PCDH15: variants seen among roughly 807,000 people sequenced by gnomAD.
PCDH15 encodes the protein protocadherin related 15, also known as protocadherin-15.
PCDH15 carries 129 observed loss-of-function variants against 178.5 expected under a neutral mutation model. The ratio of observed to expected loss-of-function variants is 0.72; its 90% CI spans 0.63 to 0.84. PCDH15 has a LOEUF of 0.84. Ranked by LOEUF, PCDH15 falls within the 40% of genes least tolerant of loss-of-function variation. The pLI, the probability that PCDH15 is intolerant of heterozygous loss-of-function variation, is 0.00. For synonymous variants in PCDH15, 800 were observed against 732.0 expected, an observed-to-expected ratio of 1.09 and a Z score of -1.50; for missense variants, 2,230 against 2,099.9, an observed-to-expected ratio of 1.06 and a Z score of -1.21.
intron 2 of PCDH15, among the ~76,000 whole-genome samples, chr10:55,056,149 G>A (rs954230221): frequency 6.6e-6 from 1 of 152,082 alleles, no homozygotes. Flanking sequence ...TAAATCTCAT[G>A]ATGTGATTCC....
chr10:55,375,487 C>A lies in PCDH15; in HGVS notation c.-155-208836G>T, dbSNP rs147845070. Among the ~76,000 whole-genome samples, 1,387 of 152,184 alleles carry A rather than the reference C, an allele frequency of 9.1e-3. 26 individuals are homozygous for A. Among genetic ancestry groups the A allele is most frequent in the African/African-American group, 0.032 (1,337 of 41,530 alleles). ...TTAAATTATCTCATCTGCATCATCACAATTTCTGTATCAGAATATTAATTG... is the reference window on the plus strand; with the variant it reads ...TTAAATTATCTCATCTGCATCATCAAAATTTCTGTATCAGAATATTAATTG... On this transcript the variant is annotated intron_variant, in intron 2 of 5. Coordinates refer to the PCDH15 transcript ENST00000613346.
At chr10:54,204,761 T>C (rs2050615131) in intron 10 of PCDH15, among the ~76,000 whole-genome samples, 1 of 152,074 alleles carries the variant, frequency 6.6e-6, no homozygotes, top group African/African-American at 2.4e-5. Flanking sequence ...ATTATGAAGA[T>C]ACGTGAAAAT....
intron 2 of PCDH15, among the ~76,000 whole-genome samples, chr10:54,999,051 C>G (rs1463734160): frequency 6.7e-6 from 1 of 148,934 alleles, no homozygotes; most frequent in African/African-American, 2.4e-5. Context: ...ATATAAAGCA[C>G]TTTCTTGTTG....
chr10:54,442,435 T>TATATATATATATATATATATAC (rs2075870809), intron 3 of PCDH15, among the ~76,000 whole-genome samples: 2 of 117,476 alleles, frequency 1.7e-5, no homozygotes, highest in African/African-American at 7.6e-5. Context: ...TATATATATA[T>TATATATATATATATATATATAC]ATATATATAT....
chr10:54,178,729 A>AAAAC (rs10648421), intron 13 of PCDH15, among the ~76,000 whole-genome samples: 64,956 of 151,292 alleles, frequency 0.43, 15,585 homozygotes, highest in African/African-American at 0.63. Context: ...TTACAAGAAA[A>AAAAC]AAACAACCCC....
intron 3 of PCDH15, among the ~76,000 whole-genome samples, chr10:54,398,968 G>A (rs796891968): frequency 6.6e-6 from 1 of 152,030 alleles, no homozygotes; most frequent in Admixed American, 6.6e-5. Flanking sequence ...ACACCAAACA[G>A]TATGTTCTGC....
At position 55,423,289 on chromosome 10, in the gene PCDH15, A is replaced by C. The variant is rs16907413; in HGVS notation, c.-156+204336T>G. Among the ~76,000 whole-genome samples, 996 of 152,156 alleles carry C rather than the reference A, an allele frequency of 6.5e-3. 11 individuals are homozygous for C. Among genetic ancestry groups the C allele is most frequent in the African/African-American group, 0.021 (883 of 41,548 alleles). ...GTAAAGGGAAGGATGAATAAAGAAA[A>C]GGCAACAGAATTCCTCGAAGTAGGA... is the stretch of plus-strand genomic sequence containing the variant. On this transcript the variant is annotated intron_variant, in intron 2 of 5. Transcript: ENST00000613346.
At chr10:54,262,172 C>T (rs919618525) in intron 8 of PCDH15, among the ~76,000 whole-genome samples, 8 of 152,204 alleles carry the variant, frequency 5.3e-5, no homozygotes, top group East Asian at 1.9e-4. Context: ...GAACCCACAC[C>T]GAGCCCAGAA....
At chr10:54,997,930 G>A (rs925494996) in intron 2 of PCDH15, among the ~76,000 whole-genome samples, 4 of 152,050 alleles carry the variant, frequency 2.6e-5, no homozygotes, top group African/African-American at 9.7e-5. Flanking sequence ...GTTATGATAT[G>A]CAGAAATGTA....
At chr10:55,623,405 ATCT>A (rs1439994143) in intron 2 of PCDH15, among the ~76,000 whole-genome samples, 2 of 152,038 alleles carry the variant, frequency 1.3e-5, no homozygotes, top group African/African-American at 4.8e-5. Context: ...TCTTCTAGTG[ATCT>A]TCTTTTAAAA....
At chr10:55,322,992 G>A (rs143214594), upstream of PCDH15, among the ~76,000 whole-genome samples, 97 of 152,220 alleles carry the variant, frequency 6.4e-4, no homozygotes, top group African/African-American at 2.1e-3. Flanking sequence ...GCTCTATGCA[G>A]ACTCCAGACA....
chr10:55,106,370 G>T lies in PCDH15; in HGVS notation c.-80+60206C>A, dbSNP rs1302559512. ...GTTTTTGACATAAACTATAGAATAA[G>T]AAGATATGAAACAAACATAAATATA... is the stretch of plus-strand genomic sequence containing the variant. On this transcript the variant is annotated intron_variant, in intron 2 of 5. Coordinates refer to the PCDH15 transcript ENST00000458638. 2.6e-5 allele frequency among the ~76,000 whole-genome samples: 4 copies of T among 152,164 alleles called. No homozygotes were observed. The South Asian group carries it at 8.3e-4, about 31-fold the overall frequency.
Position 54,827,724 on chromosome 10 carries a change from A to G in PCDH15, c.-29+69726T>C, listed in dbSNP as rs564946900. 9.9e-5 allele frequency among the ~76,000 whole-genome samples: 15 copies of G among 152,154 alleles called. No individual in the cohort carries two copies. The South Asian group carries it at 3.1e-3, about 32-fold the overall frequency. ...AAAAATTATTGTAGAGCTAATCACC[A>G]CTTTCATTTAGCTGGCAAAGACAAC... On this transcript the variant is annotated intron_variant, in intron 3 of 5. Transcript: ENST00000458638.
chr10:54,043,313 A>G, intron 18 of PCDH15, among the ~76,000 whole-genome samples: 1 of 152,114 alleles, frequency 6.6e-6, no homozygotes, highest in East Asian at 1.9e-4. Context: ...AAGAAGCTCC[A>G]TATCCACAGA....
intron 2 of PCDH15, among the ~76,000 whole-genome samples, chr10:54,918,691 ACT>A (rs1474930417): frequency 9.9e-5 from 15 of 152,076 alleles, no homozygotes; most frequent in Admixed American, 2.0e-4. Flanking sequence ...TCCCAATATT[ACT>A]CTTTTTTAAT....
At chr10:54,191,653 C>A (rs2048998308) in intron 11 of PCDH15, among the ~76,000 whole-genome samples, 1 of 151,190 alleles carries the variant, frequency 6.6e-6, no homozygotes, top group Non-Finnish European at 1.5e-5. Context: ...CGCAGTGGCT[C>A]ATGCCTGTAA....
At chr10:55,406,880 AACAG>A (rs1205030516) in intron 2 of PCDH15, among the ~76,000 whole-genome samples, 3 of 152,234 alleles carry the variant, frequency 2.0e-5, no homozygotes, top group African/African-American at 2.4e-5. Flanking sequence ...ACTCCAGTAA[AACAG>A]ACAGAGTGAC....
chr10:53,878,316 T>G (rs2080409744), intron 26 of PCDH15, among the ~76,000 whole-genome samples: 2 of 63,678 alleles, frequency 3.1e-5, no homozygotes, highest in South Asian at 6.7e-4. Flanking sequence ...ATATATATTC[T>G]ATATATATAG....
intron 2 of PCDH15, among the ~76,000 whole-genome samples, chr10:55,460,601 C>A (rs917086194): frequency 1.3e-5 from 2 of 152,050 alleles, no homozygotes; most frequent in Admixed American, 6.6e-5. Context: ...CTCTGCTTAA[C>A]ACTTTGAACA....
Sources: allele counts gnomAD v4.1 joint callset (sites outside exome capture counted in the v4.1 genomes callset), GRCh38; gene constraint gnomAD v4.1.1; transcripts MANE v1.5; gene names NCBI Gene and HGNC (gene_info 2026-07-23, HGNC 2026-07-21).